Variants in LYZL2 observed in about 807,000 individuals in gnomAD.
The protein encoded by LYZL2 is lysozyme-like protein 2.
A neutral mutation model predicts 17.1 loss-of-function variants in LYZL2; 13 were observed. The observed-to-expected ratio is 0.76, with a 90% CI of 0.49 to 1.21. The LOEUF (loss-of-function observed/expected upper bound fraction) is 1.21. Ranked by LOEUF, LYZL2 falls within the 50% of genes most tolerant of loss-of-function variation. The probability of loss-of-function intolerance (pLI) is 0.00; values close to 1 mark genes in which losing one functional copy is unlikely to be tolerated. For missense variants in LYZL2, 166 were observed against 189.2 expected (o/e 0.88, Z 0.72); for synonymous variants, 63 against 74.4 (o/e 0.85, Z 0.79).
chr10:30,616,924 T>G (rs910476639), intron 3 of LYZL2, among the ~76,000 whole-genome samples: 2 of 151,794 alleles, frequency 1.3e-5, no homozygotes, highest in African/African-American at 4.8e-5. Context: ...ATTTTTCTAG[T>G]AATTATTTAC....
rs1588678755 is a variant in LYZL2 at position 30,626,212 on chromosome 10, A to G, written c.191T>C (p.Val64Ala). The change falls in exon 3 of 5, where the codon GTC becomes GCC. Residue 64 changes from valine to alanine, a missense_variant. Transcript: ENST00000647634. ...ESGYNTTAQTVLDDGSIDYGI... is the reference protein window; with the variant it reads ...ESGYNTTAQTALDDGSIDYGI... ...GTAGTCGATGCTGCCGTCATCCAGG[A>G]CCGTCTGGGCTGTGGTGTTGTAGCC... is the stretch of plus-strand genomic sequence containing the variant. 2 of 1,614,192 alleles carry G rather than the reference A, an allele frequency of 1.2e-6. No individual in the cohort carries two copies. Among genetic ancestry groups the G allele is most frequent in the Admixed American group, 3.3e-5 (2 of 60,016 alleles).
At chr10:30,611,530 AGAAGGAAGGAAGGAAG>A (rs762109748), downstream of LYZL2, among the ~76,000 whole-genome samples, 1,498 of 80,304 alleles carry the variant, frequency 0.019, 21 homozygotes, top group Middle Eastern at 0.035. Flanking sequence ...GGAAAAAGAA[AGAAGGAAGGAAGGAAG>A]GAAGGAAGGA....
chr10:30,627,914 C>A (rs1838742840), intron 1 of LYZL2, among the ~76,000 whole-genome samples: 1 of 152,198 alleles, frequency 6.6e-6, no homozygotes, highest in Non-Finnish European at 1.5e-5. Context: ...AATCCCGGCA[C>A]TTTGGGAGGC....
chr10:30,611,607 G>GAAAGAA (rs1564405955), downstream of LYZL2, among the ~76,000 whole-genome samples: 2 of 138,134 alleles, frequency 1.4e-5, no homozygotes, highest in Admixed American at 7.6e-5. Context: ...AAGAAAGAAA[G>GAAAGAA]AAAGAAAGAG....
chr10:30,622,599 G>A (rs1341991253), intron 3 of LYZL2, among the ~76,000 whole-genome samples: 9 of 152,002 alleles, frequency 5.9e-5, no homozygotes, highest in Non-Finnish European at 4.4e-5. Context: ...AGTCATATCA[G>A]TAATCACATT....
rs768883582 is a variant in LYZL2, at chr10:30,612,939, G to A, written c.299-39C>T. 6 of 1,546,396 alleles carry A rather than the reference G, an allele frequency of 3.9e-6. No individual in the cohort carries two copies. The South Asian group carries it at 4.5e-5, about 12-fold the overall frequency. Reference sequence around the variant, plus strand: ...GGTCATCAGGGTTAGGCGAGACTTTGTTGTTGGAGAGGGACCCCAACTCAA... The same window carrying A: ...GGTCATCAGGGTTAGGCGAGACTTTATTGTTGGAGAGGGACCCCAACTCAA... On this transcript the variant is annotated intron_variant, in intron 3 of 4. Coordinates refer to ENST00000647634, the MANE Select transcript of LYZL2 (RefSeq NM_183058.3).
chr10:30,611,650 G>GAAGAAAGGAAGAGAAAGAGAGA, downstream of LYZL2: 2 of 258,570 alleles, frequency 7.7e-6, no homozygotes, highest in East Asian at 1.7e-4. Flanking sequence ...AGGGAGGAAG[G>GAAGAAAGGAAGAGAAAGAGAGA]AAGAAAGGAA....
chr10:30,622,619 C>T (rs577932625), intron 3 of LYZL2, among the ~76,000 whole-genome samples: 6 of 151,974 alleles, frequency 3.9e-5, no homozygotes, highest in African/African-American at 1.2e-4. Flanking sequence ...TAAATGCAAA[C>T]GGCCTAATCA....
chr10:30,614,571 A>T (rs1382464245), intron 3 of LYZL2, among the ~76,000 whole-genome samples: 3 of 152,222 alleles, frequency 2.0e-5, no homozygotes, highest in Non-Finnish European at 4.4e-5. Context: ...CTCCATGACC[A>T]CCACAACCAC....
chr10:30,626,147 C>T lies in LYZL2; in HGVS notation c.256G>A (p.Gly86Arg), dbSNP rs763057856. The stretch of plus-strand genomic sequence containing the variant: ...CAGTGGTTGTTCTCCTTCAGCTTTC[C>T]GCGTCTGCACCACGCGAAGCTGTTG... Reference protein sequence around the residue: ...QINSFAWCRRGKLKENNHCHV... With the variant: ...QINSFAWCRRRKLKENNHCHV... Residue 86 changes from glycine (G) to arginine (R), a missense_variant, in exon 3 of 5, where the codon GGA (glycine) becomes AGA (arginine). This residue lies in a region of LYZL2 where 134 missense variants were observed against 129.4 expected (regional missense o/e 1.04). Coordinates refer to ENST00000647634, the MANE Select transcript of LYZL2 (RefSeq NM_183058.3). 2.0e-5 allele frequency: 32 copies of T among 1,614,098 alleles called. No individual in the cohort carries two copies. The highest frequency in any genetic ancestry group is 1.8e-4 in the East Asian group (8 of 44,902).
downstream of LYZL2, among the ~76,000 whole-genome samples, chr10:30,610,537 C>T (rs555157259): frequency 6.6e-6 from 1 of 152,162 alleles, no homozygotes; most frequent in South Asian, 2.1e-4. Flanking sequence ...ACACTGGGGC[C>T]TGTTGAGGGG....
chr10:30,625,770 C>T (rs765047180), intron 3 of LYZL2, among the ~76,000 whole-genome samples: 17 of 152,216 alleles, frequency 1.1e-4, no homozygotes, highest in Non-Finnish European at 2.2e-4. Flanking sequence ...GAGTGAATTG[C>T]TTATGGAAAG....
chr10:30,628,335 G>A (rs550196974), intron 1 of LYZL2, among the ~76,000 whole-genome samples: 21 of 152,208 alleles, frequency 1.4e-4, no homozygotes, highest in African/African-American at 2.9e-4. Context: ...CCAGTGCTCC[G>A]GGCGGCCTCC....
chr10:30,606,743 C>T, the LYZL2 span, among the ~76,000 whole-genome samples: 1 of 152,110 alleles, frequency 6.6e-6, no homozygotes, highest in African/African-American at 2.4e-5. Context: ...CTACTCCCCA[C>T]TCTGCACAGC....
Position 30,612,820 on chromosome 10 carries a change from A to G in LYZL2, c.377+2T>C. Reference sequence around the variant, plus strand: ...CCAAGTCTTCCAAGGAAAGACTCTTACCAATAGTTCATTCCTTGTGTCTCT... The same window carrying G: ...CCAAGTCTTCCAAGGAAAGACTCTTGCCAATAGTTCATTCCTTGTGTCTCT... On this transcript the variant is annotated splice_donor_variant, in intron 4 of 4. Transcript: ENST00000647634. LOFTEE classifies it high-confidence loss of function. The G allele has an allele frequency of 6.2e-7, 1 of 1,609,460 alleles. No individual in the cohort carries two copies. The highest frequency in any genetic ancestry group is 8.5e-7 in the Non-Finnish European group (1 of 1,175,730).
At chr10:30,611,566 G>GAAA (rs1838436947), downstream of LYZL2, among the ~76,000 whole-genome samples, 127 of 63,156 alleles carry the variant, frequency 2.0e-3, no homozygotes, top group East Asian at 2.8e-3. Flanking sequence ...AAGGAAGGAA[G>GAAA]GAAGGAAAGA....
At chr10:30,616,499 C>A (rs1386754367) in intron 3 of LYZL2, among the ~76,000 whole-genome samples, 1 of 152,202 alleles carries the variant, frequency 6.6e-6, no homozygotes, top group East Asian at 1.9e-4. Flanking sequence ...CCTCTCAAAA[C>A]AAACATCCAT....
chr10:30,614,586 C>G (rs1449316528), intron 3 of LYZL2, among the ~76,000 whole-genome samples: 1 of 152,168 alleles, frequency 6.6e-6, no homozygotes, highest in African/African-American at 2.4e-5. Context: ...AACCACCAAT[C>G]AAGGACAAAA....
rs77097412 is a variant in LYZL2, at chr10:30,627,762, C to A, written c.-25-822G>T. Among the ~76,000 whole-genome samples the A allele has an allele frequency of 7.3e-3, 1,115 of 152,236 alleles. 22 individuals are homozygous for A. Among genetic ancestry groups the A allele is most frequent in the African/African-American group, 0.026 (1,066 of 41,542 alleles). On this transcript the variant is annotated intron_variant, in intron 1 of 4. Transcript: ENST00000647634. ...ATTTTCAACTGAGCAGGCATTGGCACCCCGACCCCTACATTTGTTCAAGGA... is the reference window on the plus strand; with the variant it reads ...ATTTTCAACTGAGCAGGCATTGGCAACCCGACCCCTACATTTGTTCAAGGA...
Sources: allele counts gnomAD v4.1 joint callset (sites outside exome capture counted in the v4.1 genomes callset), GRCh38; gene constraint gnomAD v4.1.1; regional missense constraint gnomAD v4.1.1; transcripts MANE v1.5; gene names NCBI Gene and HGNC (gene_info 2026-07-23, HGNC 2026-07-21).